Variants in DDX31 observed in about 807,000 individuals in gnomAD.
DDX31 encodes the protein ATP-dependent DNA helicase DDX31.
In DDX31, 70 loss-of-function variants were observed where a neutral mutation model predicts 91.3. That is an observed-to-expected ratio of 0.77 (90% confidence interval 0.63 to 0.94). The LOEUF is 0.94. DDX31 is among the 40% of genes least tolerant of loss of function. The pLI is 0.00. For missense variants in DDX31, 902 were observed against 925.0 expected, an observed-to-expected ratio of 0.98 and a Z score of 0.32; for synonymous variants, 362 against 350.6, an observed-to-expected ratio of 1.03 and a Z score of -0.36.
chr9:132,619,060 ACTGC>A (rs1426200209), intron 17 of DDX31, among the ~76,000 whole-genome samples: 1 of 152,202 alleles, frequency 6.6e-6, no homozygotes, highest in Non-Finnish European at 1.5e-5. Context: ...ACACTCAAAG[ACTGC>A]CTGGATCTTT....
chr9:132,624,226 T>A (rs1011085711), intron 17 of DDX31, among the ~76,000 whole-genome samples: 1 of 150,074 alleles, frequency 6.7e-6, no homozygotes, highest in Admixed American at 6.6e-5. Context: ...AACTAGAATT[T>A]ATGATAGTTC....
chr9:132,605,143 T>C (rs1830937921), intron 19 of DDX31, among the ~76,000 whole-genome samples: 1 of 152,198 alleles, frequency 6.6e-6, no homozygotes, highest in South Asian at 2.1e-4. Flanking sequence ...ATTTACCTCC[T>C]TTTCAAGTCA....
intron 19 of DDX31, among the ~76,000 whole-genome samples, chr9:132,606,969 G>A (rs552222232): frequency 2.0e-5 from 3 of 152,140 alleles, no homozygotes; most frequent in African/African-American, 4.8e-5. Context: ...CCACCCCAGA[G>A]CTTTGCAAAA....
At position 132,613,339 on chromosome 9, in the gene DDX31, GACA is replaced by G. The variant is rs533568103; in HGVS notation, c.1826-1087_1826-1085del. 3.3e-5 allele frequency among the ~76,000 whole-genome samples: 5 copies of G among 152,358 alleles called. No homozygotes were observed. The South Asian group carries it at 8.3e-4, about 25-fold the overall frequency. On this transcript the variant is annotated intron_variant, in intron 18 of 19. Coordinates refer to ENST00000372159, the MANE Select transcript of DDX31 (RefSeq NM_022779.9). ...TCTCTAAAATAGTCCCTTGAGGACT[GACA>G]ACAATTTAGGGACATTCATCAAACA...
Position 132,648,295 on chromosome 9 carries a change from T to C in DDX31, c.861A>G (p.Arg287=), listed in dbSNP as rs1488297614. The part of the protein sequence containing the change: ...LRWLVFDEAD[R]ILDLGFEKDI... Reference sequence around the variant, plus strand: ...CCTTTTCAAAACCCAAATCCAAGATTCTGTGATTGTAAAAAAAAAAAGAAA... The same window carrying C: ...CCTTTTCAAAACCCAAATCCAAGATCCTGTGATTGTAAAAAAAAAAAGAAA... The change falls in exon 11 of 20, where the codon AGA becomes AGG. Residue 287 remains arginine (R), a splice_region_variant and synonymous_variant. Transcript: ENST00000372159. 1.2e-6 allele frequency: 2 copies of C among 1,607,394 alleles called. No individual in the cohort carries two copies. Among genetic ancestry groups the C allele is most frequent in the African/African-American group, 2.7e-5 (2 of 73,902 alleles).
intron 9 of DDX31, among the ~76,000 whole-genome samples, chr9:132,649,281 T>C (rs917906261): frequency 3.3e-5 from 5 of 152,160 alleles, no homozygotes; most frequent in South Asian, 2.1e-4. Flanking sequence ...CAGTTAAGTA[T>C]AGTCATGTTT....
In DDX31 at chr9:132,647,035, T is replaced by C; in HGVS notation, c.991A>G (p.Ser331Gly). The change falls in exon 12 of 20, where the codon AGT (serine) becomes GGT (glycine). Residue 331 changes from serine to glycine, a missense_variant. By Grantham distance (56) the Ser-to-Gly change is moderately conservative. Transcript: ENST00000372159. ...TEGVTRLADI[S>G]LHDPVSISVL... The stretch of plus-strand genomic sequence containing the variant: ...GAAATACTGACTGGATCATGCAAAC[T>C]GATATCAGCTAGCCGCGTTACACCT... 1 of 1,613,866 alleles carries C rather than the reference T, an allele frequency of 6.2e-7. No homozygotes were observed. The highest frequency in any genetic ancestry group is 1.7e-4 in the Middle Eastern group (1 of 6,060).
At chr9:132,633,429 C>T (rs921479147) in intron 14 of DDX31, among the ~76,000 whole-genome samples, 6 of 151,236 alleles carry the variant, frequency 4.0e-5, no homozygotes, top group African/African-American at 1.5e-4. Context: ...CATTTCAGCA[C>T]TATATATAAT....
In DDX31 at chr9:132,646,829, T is replaced by C. The variant is rs151253202; in HGVS notation, c.1197A>G (p.Lys399=). ...CTCTAGCCCACAGTCCCACCTTGCA[T>C]TTCTGAAGGATGAAGGCCGCTAGGC... ...LVCLAAFILQ[K]CKFEEDQKMV... The change falls in exon 12 of 20, where the codon AAA becomes AAG. Residue 399 remains lysine (K), a synonymous_variant. Transcript: ENST00000372159. The C allele has an allele frequency of 6.2e-7, 1 of 1,613,842 alleles. No homozygotes were observed. The highest frequency in any genetic ancestry group is 8.5e-7 in the Non-Finnish European group (1 of 1,179,888).
intron 13 of DDX31, among the ~76,000 whole-genome samples, chr9:132,643,462 T>C (rs1018668626): frequency 2.0e-5 from 3 of 152,198 alleles, no homozygotes; most frequent in Non-Finnish European, 4.4e-5. Flanking sequence ...TTCCTGTGCG[T>C]AGATTTTGTC....
chr9:132,664,716 CAAA>C (rs10668095), intron 1 of DDX31, among the ~76,000 whole-genome samples: 1 of 97,418 alleles, frequency 1.0e-5, no homozygotes, highest in African/African-American at 4.0e-5. Flanking sequence ...GACCCTCGCT[CAAA>C]AAAAAAAAAA....
At chr9:132,629,695 T>C (rs1217554534) in intron 16 of DDX31, among the ~76,000 whole-genome samples, 1 of 152,238 alleles carries the variant, frequency 6.6e-6, no homozygotes, top group African/African-American at 2.4e-5. Flanking sequence ...CGAGCTGGGC[T>C]GTGTGCTCAT....
chr9:132,628,310 T>C (rs1471229827), intron 16 of DDX31, among the ~76,000 whole-genome samples: 1 of 152,058 alleles, frequency 6.6e-6, no homozygotes, highest in African/African-American at 2.4e-5. Flanking sequence ...CCCTGCAGAG[T>C]TCCTCCCCAA....
intron 13 of DDX31, among the ~76,000 whole-genome samples, chr9:132,645,359 C>G (rs1170509796): frequency 1.3e-5 from 2 of 152,162 alleles, no homozygotes; most frequent in East Asian, 3.9e-4. Flanking sequence ...ACTGGGAACC[C>G]GAAGCCCCTT....
intron 17 of DDX31, among the ~76,000 whole-genome samples, chr9:132,619,310 C>T (rs1831849957): frequency 6.6e-6 from 1 of 152,194 alleles, no homozygotes; most frequent in Non-Finnish European, 1.5e-5. Context: ...GATTCTTCCA[C>T]CCAATGAGGC....
chr9:132,605,603 A>G (rs570235356), intron 19 of DDX31, among the ~76,000 whole-genome samples: 1 of 152,284 alleles, frequency 6.6e-6, no homozygotes, highest in African/African-American at 2.4e-5. Context: ...CCACACATAC[A>G]AATACCACAA....
At chr9:132,610,325 C>T (rs1023651828) in intron 19 of DDX31, among the ~76,000 whole-genome samples, 5 of 152,202 alleles carry the variant, frequency 3.3e-5, no homozygotes, top group Admixed American at 1.3e-4. Flanking sequence ...GCAAAGGACA[C>T]GTCCACACTC....
chr9:132,612,707 T>C (rs1463181471), intron 18 of DDX31, among the ~76,000 whole-genome samples: 1 of 152,228 alleles, frequency 6.6e-6, no homozygotes, highest in African/African-American at 2.4e-5. Context: ...TTTTCCTAAT[T>C]AAATTTTACT....
chr9:132,616,935 T>G lies in DDX31; in HGVS notation c.1825+1395A>C, dbSNP rs574133479. Among the ~76,000 whole-genome samples the G allele has an allele frequency of 3.9e-5, 6 of 152,320 alleles. No individual in the cohort carries two copies. In the South Asian group the frequency reaches 1.2e-3, roughly 32 times the overall value. ...GACAATATTTGCTGACTAACCCATT[T>G]TTTCATCTATATTTTCTGGTGACCA... On this transcript the variant is annotated intron_variant, in intron 18 of 19. Coordinates refer to ENST00000372159, the MANE Select transcript of DDX31 (RefSeq NM_022779.9).
Sources: gnomAD v4.1 joint callset for allele counts (sites outside exome capture counted in the v4.1 genomes callset) on GRCh38, gnomAD v4.1.1 for gene constraint, MANE v1.5 for transcripts, NCBI Gene and HGNC (gene_info 2026-07-23, HGNC 2026-07-21) for gene names.